The following CSRNP3 variants were observed in gnomAD, a reference collection of about 807,000 sequenced individuals.
CSRNP3 encodes the protein cysteine and serine rich nuclear protein 3, also known as cysteine/serine-rich nuclear protein 3.
CSRNP3 carries 12 observed loss-of-function variants against 48.0 expected under a neutral mutation model. That is an observed-to-expected ratio of 0.25 (90% confidence interval 0.16 to 0.41). The LOEUF is 0.41. Among genes scored for constraint, CSRNP3 ranks in the 10% least tolerant of loss-of-function variants. The pLI is 1.00. For missense variants in CSRNP3, 580 were observed against 724.4 expected, an observed-to-expected ratio of 0.80 and a Z score of 2.29; for synonymous variants, 263 against 269.7, an observed-to-expected ratio of 0.98 and a Z score of 0.24.
At chr2:165,607,688 A>G (rs1477850655) in intron 4 of CSRNP3, among the ~76,000 whole-genome samples, 1 of 152,136 alleles carries the variant, frequency 6.6e-6, no homozygotes, top group Non-Finnish European at 1.5e-5. Context: ...ATTGTGAAAG[A>G]AAAATATGTA....
chr2:165,678,177 A>T (rs1428659434), intron 6 of CSRNP3, among the ~76,000 whole-genome samples: 3 of 152,224 alleles, frequency 2.0e-5, no homozygotes. Flanking sequence ...ATTTTATAAT[A>T]AGCAAAGGGA....
chr2:165,661,379 T>G (rs1427156466), intron 5 of CSRNP3, among the ~76,000 whole-genome samples: 1 of 152,172 alleles, frequency 6.6e-6, no homozygotes, highest in Non-Finnish European at 1.5e-5. Flanking sequence ...CTCAGAACAC[T>G]TACATTGGCC....
At chr2:165,559,722 G>T (rs1213321153) in intron 3 of CSRNP3, among the ~76,000 whole-genome samples, 3 of 150,506 alleles carry the variant, frequency 2.0e-5, no homozygotes, top group Non-Finnish European at 4.4e-5. Flanking sequence ...AATGTATTGT[G>T]CACTTTAAGT....
chr2:165,529,094 G>A (rs1441825931), intron 3 of CSRNP3, among the ~76,000 whole-genome samples: 6 of 152,180 alleles, frequency 3.9e-5, no homozygotes, highest in South Asian at 4.1e-4. Flanking sequence ...AGGCTCAGAA[G>A]TGCCTGCTCC....
chr2:165,481,458 A>G (rs574226833), intron 1 of CSRNP3, among the ~76,000 whole-genome samples: 1 of 152,198 alleles, frequency 6.6e-6, no homozygotes, highest in Non-Finnish European at 1.5e-5. Flanking sequence ...AAGGGAGGCA[A>G]CGTGCCCTGA....
chr2:165,546,677 A>T (rs1316714756), intron 3 of CSRNP3, among the ~76,000 whole-genome samples: 2 of 152,236 alleles, frequency 1.3e-5, no homozygotes, highest in East Asian at 3.8e-4. Flanking sequence ...AATGTAGAGC[A>T]CATTTGAATG....
At chr2:165,611,281 G>A (rs576497140) in intron 4 of CSRNP3, among the ~76,000 whole-genome samples, 5 of 152,050 alleles carry the variant, frequency 3.3e-5, no homozygotes, top group Non-Finnish European at 5.9e-5. Context: ...AAGCAAGTGA[G>A]GGATAAATGA....
At chr2:165,605,208 C>T (rs1017289170) in intron 4 of CSRNP3, among the ~76,000 whole-genome samples, 6 of 152,070 alleles carry the variant, frequency 3.9e-5, no homozygotes, top group African/African-American at 1.4e-4. Flanking sequence ...TACTCCCTTC[C>T]TATGCTTGAG....
At chr2:165,627,847 C>G (rs1686463591) in intron 4 of CSRNP3, among the ~76,000 whole-genome samples, 2 of 152,108 alleles carry the variant, frequency 1.3e-5, no homozygotes, top group South Asian at 4.2e-4. Context: ...GAACTATGCT[C>G]AGAGATGTTA....
intron 5 of CSRNP3, among the ~76,000 whole-genome samples, chr2:165,661,771 A>T (rs1405405020): frequency 1.3e-5 from 2 of 152,200 alleles, no homozygotes; most frequent in Non-Finnish European, 2.9e-5. Context: ...TTTGTGAGTG[A>T]CAGTGAATTG....
At position 165,494,786 on chromosome 2, in the gene CSRNP3, G is replaced by A; in HGVS notation, c.-255G>A. 4.7e-6 allele frequency: 1 copy of A among 213,374 alleles called. No individual in the cohort carries two copies. Among genetic ancestry groups the A allele is most frequent in the South Asian group, 1.1e-4 (1 of 9,384 alleles). 13.2% of individuals were successfully genotyped at this position (213,374 alleles called of 1,614,324 possible). Reference sequence around the variant, plus strand: ...ACATGTGACAGCGTTGCAGCTATGAGTGGAATTTTAAAGGGGAAGTTTGAA... The same window carrying A: ...ACATGTGACAGCGTTGCAGCTATGAATGGAATTTTAAAGGGGAAGTTTGAA... On this transcript the variant is annotated 5_prime_UTR_variant, in exon 2 of 7. It adds an upstream start codon to the 5' untranslated region. Transcript: ENST00000651982.
Position 165,638,041 on chromosome 2 carries a change from A to T in CSRNP3, c.149-19720A>T, listed in dbSNP as rs1046626068. Among the ~76,000 whole-genome samples the T allele has an allele frequency of 1.2e-4, 18 of 152,338 alleles. No individual in the cohort carries two copies. The East Asian group carries it at 3.5e-3, about 29-fold the overall frequency. On this transcript the variant is annotated intron_variant, in intron 4 of 6. Coordinates refer to ENST00000651982, the MANE Select transcript of CSRNP3 (RefSeq NM_001172173.2). ...CTTATTAATTTTATTGGCTACAAAA[A>T]TATCCCAATATATATAGTACAAAAG...
chr2:165,486,235 A>C (rs1343124355), intron 1 of CSRNP3, among the ~76,000 whole-genome samples: 1 of 152,190 alleles, frequency 6.6e-6, no homozygotes, highest in Non-Finnish European at 1.5e-5. Context: ...CGCTTTTCAG[A>C]CCGGCTTAAA....
At chr2:165,537,432 T>C (rs1684895762) in intron 3 of CSRNP3, among the ~76,000 whole-genome samples, 1 of 149,426 alleles carries the variant, frequency 6.7e-6, no homozygotes. Context: ...GCATCCTAGA[T>C]ATATAATGAA....
intron 3 of CSRNP3, among the ~76,000 whole-genome samples, chr2:165,527,241 C>G (rs1684744417): frequency 9.6e-6 from 1 of 103,696 alleles, no homozygotes. Flanking sequence ...GAGGCTCATT[C>G]TGTTGCCCTG....
chr2:165,499,351 G>A (rs534498363), intron 2 of CSRNP3, among the ~76,000 whole-genome samples: 13 of 152,206 alleles, frequency 8.5e-5, no homozygotes, highest in Admixed American at 2.0e-4. Flanking sequence ...TGACAGCTTG[G>A]GGGAAGAGTA....
At chr2:165,564,093 C>G (rs1220828024) in intron 3 of CSRNP3, among the ~76,000 whole-genome samples, 1 of 151,998 alleles carries the variant, frequency 6.6e-6, no homozygotes, top group African/African-American at 2.4e-5. Flanking sequence ...CTTGTGGTAC[C>G]TGGGAAGCAA....
intron 3 of CSRNP3, among the ~76,000 whole-genome samples, chr2:165,529,447 A>G (rs1684783839): frequency 6.6e-6 from 1 of 152,158 alleles, no homozygotes; most frequent in South Asian, 2.1e-4. Flanking sequence ...TGCCACCACC[A>G]GGTAAGAAGT....
At chr2:165,678,647 G>A (rs146218572) in intron 6 of CSRNP3, 54 bp from the exon 7 acceptor site, 112 of 1,551,806 alleles carry the variant, frequency 7.2e-5, no homozygotes, top group African/African-American at 1.4e-4. Context: ...AGTTCTGGGC[G>A]TTTATTTGGT....
Sources: allele counts gnomAD v4.1 joint callset (sites outside exome capture counted in the v4.1 genomes callset), GRCh38; gene constraint gnomAD v4.1.1; transcripts MANE v1.5; gene names NCBI Gene and HGNC (gene_info 2026-07-23, HGNC 2026-07-21).